GIGYF2: variants seen among roughly 807,000 people sequenced by gnomAD.
The protein encoded by GIGYF2 is GRB10-interacting GYF protein 2.
Under a neutral mutation model 208.1 loss-of-function variants are expected in GIGYF2, and 25 were observed. The observed-to-expected ratio is 0.12, with a 90% CI of 0.09 to 0.17. The LOEUF (loss-of-function observed/expected upper bound fraction) is 0.17. Among genes scored for constraint, GIGYF2 ranks in the 10% least tolerant of loss-of-function variants. The pLI, the probability that GIGYF2 is intolerant of heterozygous loss-of-function variation, is 1.00. For synonymous variants in GIGYF2, 534 were observed against 543.8 expected (o/e 0.98, Z 0.25); for missense variants, 1,302 against 1,579.4 (o/e 0.82, Z 2.98).
At chr2:232,791,512 T>C (rs1700070160) in intron 12 of GIGYF2, 66 bp downstream of exon 12, 2 of 1,384,776 alleles carry the variant, frequency 1.4e-6, no homozygotes, top group East Asian at 4.8e-5. Flanking sequence ...CACTGATAAG[T>C]TAGGCTTCTG....
intron 3 of GIGYF2, among the ~76,000 whole-genome samples, chr2:232,739,370 C>CG (rs1196712960): frequency 1.5e-5 from 2 of 134,522 alleles, no homozygotes; most frequent in Admixed American, 7.6e-5. Context: ...AACCCCCCCC[C>CG]CCCCGCAAAA....
intron 8 of GIGYF2, among the ~76,000 whole-genome samples, chr2:232,781,844 A>G (rs2106354027): frequency 6.6e-6 from 1 of 152,324 alleles, no homozygotes; most frequent in African/African-American, 2.4e-5. Context: ...GAGTTTGAAC[A>G]CTGCCTAGGT....
intron 6 of GIGYF2, 127 bp downstream of exon 6, chr2:232,756,461 C>T: frequency 1.8e-6 from 1 of 567,554 alleles, no homozygotes; most frequent in South Asian, 2.7e-5. Context: ...ACTAAATGTC[C>T]TGAATATTTA....
At chr2:232,768,909 C>T in intron 8 of GIGYF2, 1 of 1,110,094 alleles carries the variant, frequency 9.0e-7, no homozygotes, top group African/African-American at 1.6e-5. Context: ...TTACACATTT[C>T]TTGGTGCCAT....
intron 18 of GIGYF2, 22 bp from the exon 19 acceptor site, chr2:232,815,615 T>C: frequency 2.4e-6 from 3 of 1,237,530 alleles, no homozygotes; most frequent in Non-Finnish European, 3.6e-6. Context: ...CATTCCTCGT[T>C]GTTTCTTTTG....
At chr2:232,779,778 G>A (rs996302435) in intron 8 of GIGYF2, among the ~76,000 whole-genome samples, 11 of 152,164 alleles carry the variant, frequency 7.2e-5, no homozygotes, top group African/African-American at 2.4e-4. Context: ...AGCTGAGCAG[G>A]TTATTTATTC....
At chr2:232,851,793 G>A (rs1392715329) in intron 28 of GIGYF2, among the ~76,000 whole-genome samples, 1 of 152,164 alleles carries the variant, frequency 6.6e-6, no homozygotes, top group African/African-American at 2.4e-5. Context: ...GAATACATTC[G>A]CAAGGATGGA....
At chr2:232,824,087 G>A (rs1456718442) in intron 21 of GIGYF2, among the ~76,000 whole-genome samples, 1 of 152,298 alleles carries the variant, frequency 6.6e-6, no homozygotes, top group Non-Finnish European at 1.5e-5. Flanking sequence ...TATAGTGCAT[G>A]TTCTGACTAT....
chr2:232,718,602 A>G (rs753494890), intron 2 of GIGYF2, among the ~76,000 whole-genome samples: 1 of 152,322 alleles, frequency 6.6e-6, no homozygotes, highest in African/African-American at 2.4e-5. Context: ...GCAGTTTGTT[A>G]TGGGATCACA....
chr2:232,824,643 G>A (rs1017151399), intron 21 of GIGYF2, among the ~76,000 whole-genome samples: 1 of 152,214 alleles, frequency 6.6e-6, no homozygotes, highest in African/African-American at 2.4e-5. Flanking sequence ...AAAGCACAAG[G>A]TGAAGCAGCT....
At chr2:232,803,622 A>G (rs1456515183) in intron 14 of GIGYF2, among the ~76,000 whole-genome samples, 2 of 151,722 alleles carry the variant, frequency 1.3e-5, no homozygotes, top group African/African-American at 4.8e-5. Flanking sequence ...AAATTTAGTT[A>G]AGCATATTTG....
At chr2:232,843,958 GTATT>G in intron 23 of GIGYF2, 84 bp from the exon 24 acceptor site, 8 of 1,162,148 alleles carry the variant, frequency 6.9e-6, no homozygotes, top group Non-Finnish European at 9.1e-6. Context: ...TAGCTACTGT[GTATT>G]TACATTCCAT....
intron 21 of GIGYF2, among the ~76,000 whole-genome samples, chr2:232,820,192 T>C (rs770960469): frequency 6.6e-6 from 1 of 152,096 alleles, no homozygotes; most frequent in African/African-American, 2.4e-5. Flanking sequence ...ATTTGTCTTA[T>C]CTTTCTGGTT....
At chr2:232,823,645 G>A (rs909890257) in intron 21 of GIGYF2, among the ~76,000 whole-genome samples, 3 of 152,004 alleles carry the variant, frequency 2.0e-5, no homozygotes, top group East Asian at 1.9e-4. Context: ...GTGAGCCACC[G>A]CAACCTGACC....
intron 8 of GIGYF2, among the ~76,000 whole-genome samples, chr2:232,775,568 G>A (rs534973790): frequency 6.6e-6 from 1 of 152,252 alleles, no homozygotes; most frequent in East Asian, 1.9e-4. Context: ...GGTTGGGAAG[G>A]TTTGCTTCTA....
At chr2:232,781,630 T>C (rs576328979) in intron 8 of GIGYF2, among the ~76,000 whole-genome samples, 22 of 152,330 alleles carry the variant, frequency 1.4e-4, no homozygotes, top group Non-Finnish European at 2.6e-4. Context: ...TTTAGTTCTA[T>C]GTCTCCCCTT....
chr2:232,808,120 T>C (rs1319037755), intron 15 of GIGYF2, among the ~76,000 whole-genome samples: 3 of 152,212 alleles, frequency 2.0e-5, no homozygotes, highest in South Asian at 4.1e-4. Flanking sequence ...TTGAGACCTA[T>C]AGTTTGTGGA....
At chr2:232,729,856 G>A (rs569201746) in intron 2 of GIGYF2, 12 of 734,808 alleles carry the variant, frequency 1.6e-5, no homozygotes, top group South Asian at 8.5e-5. Context: ...TAGCCTCTTC[G>A]TTTCTTCACT....
At chr2:232,754,234 C>T (rs984933528) in intron 5 of GIGYF2, among the ~76,000 whole-genome samples, 1 of 148,750 alleles carries the variant, frequency 6.7e-6, no homozygotes, top group Non-Finnish European at 1.5e-5. Flanking sequence ...CAGAATTTTA[C>T]ATGTAGAGGA....
Sources: allele counts gnomAD v4.1 joint callset (sites outside exome capture counted in the v4.1 genomes callset), GRCh38; gene constraint gnomAD v4.1.1; transcripts MANE v1.5; gene names NCBI Gene and HGNC (gene_info 2026-07-23, HGNC 2026-07-21).